PRKCH: variants seen among roughly 807,000 people sequenced by gnomAD.
The protein encoded by PRKCH is protein kinase C eta type.
In PRKCH, 28 loss-of-function variants were observed where a neutral mutation model predicts 82.5. The ratio of observed to expected loss-of-function variants is 0.34; its 90% CI spans 0.25 to 0.47. The LOEUF (loss-of-function observed/expected upper bound fraction) is 0.47, where lower values mean the gene tolerates loss of function less well. Among genes scored for constraint, PRKCH ranks in the 20% least tolerant of loss-of-function variants. The pLI, the probability that PRKCH is intolerant of heterozygous loss-of-function variation, is 1.00. For missense variants in PRKCH, 705 were observed against 881.8 expected, an observed-to-expected ratio of 0.80 and a Z score of 2.54; for synonymous variants, 322 against 327.4, an observed-to-expected ratio of 0.98 and a Z score of 0.18.
intron 12 of PRKCH, chr14:61,544,136 A>G (rs1411476167): frequency 6.6e-6 from 1 of 151,796 alleles, no homozygotes; most frequent in Non-Finnish European, 1.5e-5. Context: ...GCTGCTTCTC[A>G]CCCTACACCA....
chr14:61,456,680 G>C (rs758695009), intron 7 of PRKCH, among the ~76,000 whole-genome samples: 1 of 152,168 alleles, frequency 6.6e-6, no homozygotes, highest in Non-Finnish European at 1.5e-5. Flanking sequence ...TTTGATCATT[G>C]TTCTAATATT....
chr14:61,223,360 G>A (rs2044670268), intron 1 of PRKCH, among the ~76,000 whole-genome samples: 1 of 152,144 alleles, frequency 6.6e-6, no homozygotes, highest in Non-Finnish European at 1.5e-5. Flanking sequence ...TTTTGGTTTG[G>A]GTTTAAAATG....
At chr14:61,264,181 C>T (rs1040305031) in intron 1 of PRKCH, among the ~76,000 whole-genome samples, 3 of 152,120 alleles carry the variant, frequency 2.0e-5, no homozygotes, top group Non-Finnish European at 2.9e-5. Context: ...TACACAGTTT[C>T]ATTGTGTGGC....
intron 1 of PRKCH, among the ~76,000 whole-genome samples, chr14:61,282,330 G>A (rs181899061): frequency 2.0e-3 from 297 of 147,446 alleles, no homozygotes; most frequent in Middle Eastern, 7.0e-3. Flanking sequence ...GTATTGGGAC[G>A]TTCTGATTTC....
chr14:61,509,683 G>A (rs1161604208), intron 10 of PRKCH, among the ~76,000 whole-genome samples: 1 of 151,970 alleles, frequency 6.6e-6, no homozygotes, highest in African/African-American at 2.4e-5. Context: ...TCAGGAGTTC[G>A]AAACCAGCCC....
chr14:61,280,105 T>C lies in PRKCH; in HGVS notation c.-19+92437T>C. 1 of 1,610,890 alleles carries C rather than the reference T, an allele frequency of 6.2e-7. No individual in the cohort carries two copies. Among genetic ancestry groups the C allele is most frequent in the Middle Eastern group, 1.7e-4 (1 of 6,044 alleles). On this transcript the variant is annotated intron_variant, in intron 1 of 3. Coordinates refer to the PRKCH transcript ENST00000555185. This position sits in a 1 kb window ranked among gnomAD's most constrained non-coding sequence, Gnocchi z 5.0. ...GGAAAGCCGGAATCACTCCTCGTCG[T>C]CGTCGTCCTGGTCCTGGTAGCGAAT... is the stretch of plus-strand genomic sequence containing the variant.
At chr14:61,345,255 T>C (rs930876381) in intron 1 of PRKCH, among the ~76,000 whole-genome samples, 3 of 152,254 alleles carry the variant, frequency 2.0e-5, no homozygotes, top group Non-Finnish European at 4.4e-5. Context: ...AATAGATTGT[T>C]GTGAAGTCTT....
At chr14:61,192,717 G>A (rs1479273432) in intron 1 of PRKCH, among the ~76,000 whole-genome samples, 1 of 152,220 alleles carries the variant, frequency 6.6e-6, no homozygotes, top group Non-Finnish European at 1.5e-5. Flanking sequence ...ATCTATAGTA[G>A]ATGGTCAATT....
At chr14:61,480,501 A>T (rs564224661) in intron 9 of PRKCH, among the ~76,000 whole-genome samples, 1 of 152,328 alleles carries the variant, frequency 6.6e-6, no homozygotes, top group Admixed American at 6.5e-5. Context: ...TTCACTAAAT[A>T]TGAGAAGTTT....
At chr14:61,451,043 G>T in intron 6 of PRKCH, 72 bp downstream of exon 6, 3 of 1,535,292 alleles carry the variant, frequency 2.0e-6, no homozygotes, top group South Asian at 1.2e-5. Flanking sequence ...GAATTCTGTG[G>T]ACTCAGAATC....
Position 61,472,941 on chromosome 14 carries a change from C to T in PRKCH, c.1279-12561C>T. On this transcript the variant is annotated intron_variant, in intron 9 of 13. Transcript: ENST00000332981. ...GACACAAGAACAAAATGTGGACCTG[C>T]CTTTTAATTGCTTACAGTCAAAGGT... Among the ~76,000 whole-genome samples the T allele has an allele frequency of 1.3e-5, 2 of 152,126 alleles. 1 individual carries two copies.
At chr14:61,323,331 GC>G (rs2045655733) in intron 1 of PRKCH, among the ~76,000 whole-genome samples, 2 of 152,174 alleles carry the variant, frequency 1.3e-5, no homozygotes, top group Non-Finnish European at 2.9e-5. Flanking sequence ...GTGCTAACAT[GC>G]TTTTACTGCC....
chr14:61,327,202 C>A (rs1221189641), intron 1 of PRKCH: 2 of 443,438 alleles, frequency 4.5e-6, no homozygotes, highest in Non-Finnish European at 9.2e-6. Flanking sequence ...TGTAATCAGT[C>A]CTGTCAGGTG....
At chr14:61,528,627 G>A (rs2043002039) in intron 10 of PRKCH, among the ~76,000 whole-genome samples, 1 of 152,156 alleles carries the variant, frequency 6.6e-6, no homozygotes, top group African/African-American at 2.4e-5. Context: ...TGCAGATGAA[G>A]ATCAGCTGTA....
At position 61,432,399 on chromosome 14, in the gene PRKCH, C is replaced by A. The variant is rs1883450696; in HGVS notation, c.428-10712C>A. Among the ~76,000 whole-genome samples the A allele has an allele frequency of 2.0e-5, 3 of 152,304 alleles. No homozygotes were observed. The South Asian group carries it at 6.2e-4, about 32-fold the overall frequency. On this transcript the variant is annotated intron_variant, in intron 2 of 13. Transcript: ENST00000332981. ...ATTTCCCTCCTTCTTCAAGTAGATTCTCTTCAAGTACATTCTTTATTTAGC... is the reference window on the plus strand; with the variant it reads ...ATTTCCCTCCTTCTTCAAGTAGATTATCTTCAAGTACATTCTTTATTTAGC...
At chr14:61,403,769 A>G (rs1040087359) in intron 2 of PRKCH, among the ~76,000 whole-genome samples, 1 of 152,184 alleles carries the variant, frequency 6.6e-6, no homozygotes, top group Non-Finnish European at 1.5e-5. Flanking sequence ...ACTGACTAGC[A>G]TTCTCCTTTT....
At chr14:61,515,951 A>G (rs1019726632) in intron 10 of PRKCH, among the ~76,000 whole-genome samples, 2 of 152,150 alleles carry the variant, frequency 1.3e-5, no homozygotes, top group Non-Finnish European at 2.9e-5. Context: ...CATCATTTCT[A>G]TGAGGCAGGA....
At chr14:61,506,705 T>G (rs1050593876) in intron 10 of PRKCH, among the ~76,000 whole-genome samples, 15 of 152,162 alleles carry the variant, frequency 9.9e-5, no homozygotes, top group African/African-American at 3.6e-4. Context: ...ATCTTCCCTA[T>G]GGTCACTGGC....
At chr14:61,348,388 C>T (rs1228432035) in intron 1 of PRKCH, among the ~76,000 whole-genome samples, 4 of 152,144 alleles carry the variant, frequency 2.6e-5, no homozygotes, top group African/African-American at 9.7e-5. Context: ...TGTGTGGTGT[C>T]TGGAAAAACA....
Sources: gnomAD v4.1 joint callset for allele counts (sites outside exome capture counted in the v4.1 genomes callset) on GRCh38, gnomAD v4.1.1 for gene constraint, Gnocchi (gnomAD v3.1) non-coding constraint, MANE v1.5 for transcripts, NCBI Gene and HGNC (gene_info 2026-07-23, HGNC 2026-07-21) for gene names.